The following PRELID2 variants were observed in gnomAD, a reference collection of about 807,000 sequenced individuals.
PRELID2 encodes the protein PRELI domain-containing protein 2.
In PRELID2, 25 loss-of-function variants were observed where a neutral mutation model predicts 28.4. That is an observed-to-expected ratio of 0.88 (90% CI 0.64 to 1.23). The LOEUF (loss-of-function observed/expected upper bound fraction) is 1.23, where lower values mean the gene tolerates loss of function less well. Among genes scored for constraint, PRELID2 ranks in the 50% most tolerant of loss-of-function variants. The probability of loss-of-function intolerance (pLI) is 0.00; values close to 1 mark genes in which losing one functional copy is unlikely to be tolerated. For missense variants in PRELID2, 201 were observed against 214.4 expected, an observed-to-expected ratio of 0.94 and a Z score of 0.39; for synonymous variants, 76 against 71.6, an observed-to-expected ratio of 1.06 and a Z score of -0.31.
chr5:145,747,317 G>A (rs1269723790), intron 1 of PRELID2, among the ~76,000 whole-genome samples: 1 of 149,114 alleles, frequency 6.7e-6, no homozygotes, highest in Non-Finnish European at 1.5e-5. Context: ...GAATCAAATA[G>A]ACACAATAAA....
chr5:145,597,702 C>T (rs1447287667), intron 1 of PRELID2, among the ~76,000 whole-genome samples: 1 of 152,114 alleles, frequency 6.6e-6, no homozygotes, highest in Non-Finnish European at 1.5e-5. Flanking sequence ...TATCCAATAT[C>T]AATCAAATAA....
At chr5:145,736,108 T>G (rs1233616444) in intron 1 of PRELID2, among the ~76,000 whole-genome samples, 2 of 152,202 alleles carry the variant, frequency 1.3e-5, no homozygotes, top group Non-Finnish European at 2.9e-5. Context: ...CAGGTTCCTT[T>G]GCAATTACAA....
chr5:145,330,382 G>A, the PRELID2 span, among the ~76,000 whole-genome samples: 10 of 152,060 alleles, frequency 6.6e-5, no homozygotes, highest in African/African-American at 2.2e-4. Flanking sequence ...AGTAAAATTC[G>A]GCTGTGAATC....
rs1162153608 is a variant in PRELID2 at position 145,756,603 on chromosome 5, C to T, written c.*3933G>A. ...ATTTCTAGCAATATCTCACTTGCCG[C>T]GAGTTCACAAATATGACAACTGCAG... is the stretch of plus-strand genomic sequence containing the variant. On this transcript the variant is annotated 3_prime_UTR_variant, in exon 7 of 7. Transcript: ENST00000683046. 1.3e-5 allele frequency among the ~76,000 whole-genome samples: 2 copies of T among 152,030 alleles called. No homozygotes were observed. Among genetic ancestry groups the T allele is most frequent in the African/African-American group, 2.4e-5 (1 of 41,394 alleles).
At chr5:145,522,425 G>GAGAGAGAA (rs1224566454) in intron 1 of PRELID2, among the ~76,000 whole-genome samples, 1 of 152,094 alleles carries the variant, frequency 6.6e-6, no homozygotes, top group African/African-American at 2.4e-5. Context: ...ACGAGAGAGA[G>GAGAGAGAA]AGAGAGAAAG....
chr5:145,502,884 T>C (rs1244659091), intron 1 of PRELID2, among the ~76,000 whole-genome samples: 1 of 150,474 alleles, frequency 6.6e-6, no homozygotes, highest in Non-Finnish European at 1.5e-5. Flanking sequence ...ATATCACTAA[T>C]AAGGACTTCA....
intron 1 of PRELID2, among the ~76,000 whole-genome samples, chr5:145,494,068 C>A (rs1752289626): frequency 6.6e-6 from 1 of 152,170 alleles, no homozygotes; most frequent in Non-Finnish European, 1.5e-5. Flanking sequence ...TAACATTTTA[C>A]AAGCATATCT....
intron 1 of PRELID2, among the ~76,000 whole-genome samples, chr5:145,683,367 C>A (rs1255316435): frequency 6.6e-6 from 1 of 152,156 alleles, no homozygotes; most frequent in African/African-American, 2.4e-5. Context: ...AATATCATAA[C>A]CAGTATACTG....
chr5:145,634,151 A>G (rs1310501470), intron 1 of PRELID2, among the ~76,000 whole-genome samples: 1 of 152,186 alleles, frequency 6.6e-6, no homozygotes, highest in Non-Finnish European at 1.5e-5. Flanking sequence ...ACAAAGACAC[A>G]TTTGCTGAAA....
the PRELID2 span, among the ~76,000 whole-genome samples, chr5:145,426,508 T>C: frequency 0.016 from 2,389 of 152,290 alleles, 53 homozygotes; most frequent in African/African-American, 0.054. Context: ...AGGATCTGGG[T>C]TATTCATTTC....
At chr5:145,621,937 CTT>C (rs1464553646) in intron 1 of PRELID2, among the ~76,000 whole-genome samples, 1 of 152,058 alleles carries the variant, frequency 6.6e-6, no homozygotes, top group Non-Finnish European at 1.5e-5. Flanking sequence ...TAAAATATCA[CTT>C]TGTATTTCAT....
chr5:145,690,726 A>T (rs1755131980), intron 1 of PRELID2, among the ~76,000 whole-genome samples: 1 of 152,178 alleles, frequency 6.6e-6, no homozygotes. Flanking sequence ...TCTTTCACTC[A>T]CTATGAAAAG....
chr5:145,722,324 G>T (rs1189061397), intron 1 of PRELID2, among the ~76,000 whole-genome samples: 1 of 152,086 alleles, frequency 6.6e-6, no homozygotes, highest in Admixed American at 6.6e-5. Context: ...TTCTGAGACA[G>T]AGTCTCGCTC....
chr5:145,458,667 C>T, the PRELID2 span, among the ~76,000 whole-genome samples: 1 of 152,078 alleles, frequency 6.6e-6, no homozygotes, highest in African/African-American at 2.4e-5. Flanking sequence ...TAAAATGTCA[C>T]TTGTGCTGAG....
chr5:145,584,553 T>A (rs1046761004), intron 1 of PRELID2, among the ~76,000 whole-genome samples: 5 of 151,954 alleles, frequency 3.3e-5, no homozygotes, highest in Admixed American at 2.0e-4. Flanking sequence ...AGGTCTAATA[T>A]CCAGAGTCTA....
At chr5:145,690,036 CT>C (rs1379801911) in intron 1 of PRELID2, among the ~76,000 whole-genome samples, 1 of 143,222 alleles carries the variant, frequency 7.0e-6, no homozygotes, top group Non-Finnish European at 1.5e-5. Context: ...ATGGCCCAGG[CT>C]GGAGTGCAAT....
the PRELID2 span, among the ~76,000 whole-genome samples, chr5:145,448,644 G>A: frequency 6.6e-6 from 1 of 152,140 alleles, no homozygotes; most frequent in Non-Finnish European, 1.5e-5. Context: ...CTATCTTATT[G>A]TTAAGAGGTA....
At chr5:145,605,953 T>C (rs1753497945) in intron 1 of PRELID2, among the ~76,000 whole-genome samples, 1 of 152,098 alleles carries the variant, frequency 6.6e-6, no homozygotes, top group African/African-American at 2.4e-5. Context: ...TCAGCAGATT[T>C]TTTTAATTCT....
chr5:145,709,514 T>G (rs1216455983), intron 1 of PRELID2, among the ~76,000 whole-genome samples: 1 of 152,032 alleles, frequency 6.6e-6, no homozygotes, highest in East Asian at 1.9e-4. Flanking sequence ...GAGTGTTGGA[T>G]TCCATCAGGT....
Sources: allele counts gnomAD v4.1 joint callset (sites outside exome capture counted in the v4.1 genomes callset), GRCh38; gene constraint gnomAD v4.1.1; transcripts MANE v1.5; gene names NCBI Gene and HGNC (gene_info 2026-07-23, HGNC 2026-07-21).